TSPAN5: variants seen among roughly 807,000 people sequenced by gnomAD.
TSPAN5 encodes tetraspanin 5, also known as tetraspanin-5.
TSPAN5 carries 10 observed loss-of-function variants against 37.1 expected under a neutral mutation model. The ratio of observed to expected loss-of-function variants is 0.27; its 90% confidence interval spans 0.17 to 0.46. The LOEUF is 0.46. TSPAN5 is among the 20% of genes least tolerant of loss of function. TSPAN5 has a pLI of 1.00. For missense variants in TSPAN5, 195 were observed against 326.6 expected, an observed-to-expected ratio of 0.60 and a Z score of 3.11; for synonymous variants, 110 against 118.9, an observed-to-expected ratio of 0.93 and a Z score of 0.48.
chr4:98,476,544 G>T, intron 5 of TSPAN5, 84 bp from the exon 6 acceptor site: 4 of 1,268,926 alleles, frequency 3.2e-6, no homozygotes, highest in Non-Finnish European at 4.6e-6. Context: ...CTTCTGTTAC[G>T]CATTAGTAAT....
intron 1 of TSPAN5, among the ~76,000 whole-genome samples, chr4:98,567,525 A>C (rs993363147): frequency 6.6e-6 from 1 of 152,238 alleles, no homozygotes; most frequent in Non-Finnish European, 1.5e-5. Context: ...CAGAAATCCC[A>C]GGATCCAGCT....
chr4:98,568,412 C>T (rs1277742217), intron 1 of TSPAN5, among the ~76,000 whole-genome samples: 4 of 152,168 alleles, frequency 2.6e-5, no homozygotes, highest in South Asian at 2.1e-4. Flanking sequence ...CGTGGTGGCA[C>T]GTGCCTGTAG....
chr4:98,548,011 CAAA>C (rs535093440), intron 1 of TSPAN5, among the ~76,000 whole-genome samples: 1,197 of 89,304 alleles, frequency 0.013, 25 homozygotes, highest in African/African-American at 0.049. Context: ...GACTCTGTCT[CAAA>C]AAAAAAAAAA....
At chr4:98,515,157 T>C (rs960632723) in intron 1 of TSPAN5, among the ~76,000 whole-genome samples, 4 of 152,110 alleles carry the variant, frequency 2.6e-5, no homozygotes, top group African/African-American at 7.2e-5. Context: ...CAGAGGATGA[T>C]AGGAGCCAGG....
intron 1 of TSPAN5, among the ~76,000 whole-genome samples, chr4:98,580,814 G>T (rs529097691): frequency 1.3e-5 from 2 of 152,184 alleles, no homozygotes; most frequent in Non-Finnish European, 2.9e-5. Context: ...CGTACAGGAA[G>T]AAGACAGTTT....
intron 1 of TSPAN5, among the ~76,000 whole-genome samples, chr4:98,609,283 T>G (rs551866273): frequency 6.6e-6 from 1 of 152,270 alleles, no homozygotes; most frequent in African/African-American, 2.4e-5. Flanking sequence ...GGGTGAGCTC[T>G]GGGTGTTGGG....
chr4:98,549,738 G>GT (rs1265779548), intron 1 of TSPAN5, among the ~76,000 whole-genome samples: 2 of 151,860 alleles, frequency 1.3e-5, no homozygotes, highest in East Asian at 1.9e-4. Flanking sequence ...GTTCTTTGGG[G>GT]TTTTTTTCTT....
intron 1 of TSPAN5, among the ~76,000 whole-genome samples, chr4:98,586,802 T>C (rs1052941371): frequency 7.9e-5 from 12 of 152,230 alleles, no homozygotes; most frequent in Non-Finnish European, 1.5e-4. Flanking sequence ...CACAATAGCG[T>C]GCACATGCAC....
chr4:98,520,954 TAG>T (rs1753840675), intron 1 of TSPAN5, among the ~76,000 whole-genome samples: 1 of 150,780 alleles, frequency 6.6e-6, no homozygotes, highest in Non-Finnish European at 1.5e-5. Flanking sequence ...GTGGGGGGGA[TAG>T]AGTCTCGCTC....
intron 1 of TSPAN5, among the ~76,000 whole-genome samples, chr4:98,549,237 A>G (rs1241061133): frequency 6.6e-6 from 1 of 151,908 alleles, no homozygotes; most frequent in Non-Finnish European, 1.5e-5. Flanking sequence ...AATAACAACC[A>G]TTCTGACTGG....
At position 98,653,118 on chromosome 4, in the gene TSPAN5, T is replaced by C. The variant is rs1188616874; in HGVS notation, c.81+5028A>G. 3.3e-5 allele frequency among the ~76,000 whole-genome samples: 5 copies of C among 152,242 alleles called. No individual in the cohort carries two copies. In the East Asian group the frequency reaches 9.6e-4, roughly 29 times the overall value. On this transcript the variant is annotated intron_variant, in intron 1 of 7. Coordinates refer to ENST00000305798, the MANE Select transcript of TSPAN5 (RefSeq NM_005723.4). The stretch of plus-strand genomic sequence containing the variant: ...TCAAAACGCAATTTAGATTCCCATA[T>C]GGTTGCCATCGAAGCTAACAGATGT...
chr4:98,650,222 T>C lies in TSPAN5; in HGVS notation c.81+7924A>G, dbSNP rs150350423. Among the ~76,000 whole-genome samples, 259 of 152,318 alleles carry C rather than the reference T, an allele frequency of 1.7e-3. 1 individual carries two copies. Among genetic ancestry groups the C allele is most frequent in the African/African-American group, 6.1e-3 (254 of 41,588 alleles). On this transcript the variant is annotated intron_variant, in intron 1 of 7. Coordinates refer to ENST00000305798, the MANE Select transcript of TSPAN5 (RefSeq NM_005723.4). ...TACATCATTCAAGAGTAGCCGAGGC[T>C]CTTCGCCTTCTCCTTCCTGAAAATT...
chr4:98,650,049 T>C (rs747839695), intron 1 of TSPAN5, among the ~76,000 whole-genome samples: 31 of 152,340 alleles, frequency 2.0e-4, no homozygotes, highest in Non-Finnish European at 3.4e-4. Context: ...TGGAAGACTC[T>C]TTGAGATGCT....
At chr4:98,654,498 G>C (rs538473578) in intron 1 of TSPAN5, among the ~76,000 whole-genome samples, 5 of 152,100 alleles carry the variant, frequency 3.3e-5, no homozygotes, top group Admixed American at 6.5e-5. Flanking sequence ...GCAGTCTCAG[G>C]GTTTTCTGAG....
At chr4:98,553,877 G>A (rs565544186) in intron 1 of TSPAN5, among the ~76,000 whole-genome samples, 3 of 152,072 alleles carry the variant, frequency 2.0e-5, no homozygotes, top group Non-Finnish European at 4.4e-5. Flanking sequence ...GACCAGCCTG[G>A]CCCACATGAC....
chr4:98,583,056 C>A (rs1755405918), intron 1 of TSPAN5, among the ~76,000 whole-genome samples: 1 of 152,202 alleles, frequency 6.6e-6, no homozygotes, highest in Non-Finnish European at 1.5e-5. Context: ...TCACTCACCT[C>A]CTACCCTCAT....
At chr4:98,614,682 A>G (rs1756278976) in intron 1 of TSPAN5, among the ~76,000 whole-genome samples, 1 of 152,266 alleles carries the variant, frequency 6.6e-6, no homozygotes, top group African/African-American at 2.4e-5. Context: ...TATGCTCTTC[A>G]TAAGGCAGTT....
chr4:98,521,917 A>G (rs7689116), intron 1 of TSPAN5, among the ~76,000 whole-genome samples: 32,274 of 152,034 alleles, frequency 0.21, 3,565 homozygotes, highest in South Asian at 0.25. Flanking sequence ...ATTTAAAGAG[A>G]GGAAAAGTGA....
At chr4:98,579,635 T>G (rs543631876) in intron 1 of TSPAN5, among the ~76,000 whole-genome samples, 3 of 152,342 alleles carry the variant, frequency 2.0e-5, no homozygotes, top group African/African-American at 4.8e-5. Context: ...AAAATTGCGT[T>G]ACAAGAATGC....
Sources: gnomAD v4.1 joint callset for allele counts (sites outside exome capture counted in the v4.1 genomes callset) on GRCh38, gnomAD v4.1.1 for gene constraint, MANE v1.5 for transcripts, NCBI Gene and HGNC (gene_info 2026-07-23, HGNC 2026-07-21) for gene names.